HEATR5B: variants seen among roughly 807,000 people sequenced by gnomAD.
The protein encoded by HEATR5B is HEAT repeat-containing protein 5B.
HEATR5B carries 156 observed loss-of-function variants against 224.1 expected under a neutral mutation model. The observed-to-expected ratio is 0.70, with a 90% CI of 0.61 to 0.80. The LOEUF is 0.80. Ranked by LOEUF, HEATR5B falls within the 30% of genes least tolerant of loss-of-function variation. The pLI is 0.00. For missense variants in HEATR5B, 2,323 were observed against 2,535.5 expected (o/e 0.92, Z 1.80); for synonymous variants, 1,027 against 893.0 (o/e 1.15, Z -2.68).
intron 33 of HEATR5B, among the ~76,000 whole-genome samples, chr2:36,992,111 T>C (rs1307561545): frequency 6.6e-6 from 1 of 152,056 alleles, no homozygotes; most frequent in Non-Finnish European, 1.5e-5. Flanking sequence ...GGCTACAGAA[T>C]TGCTTGGATC....
chr2:37,081,007 C>G (rs2148613865), intron 2 of HEATR5B, among the ~76,000 whole-genome samples: 1 of 152,256 alleles, frequency 6.6e-6, no homozygotes, highest in Non-Finnish European at 1.5e-5. Flanking sequence ...TTGTATTTAT[C>G]AATTTCAGAA....
chr2:37,006,495 C>T (rs2110997), intron 29 of HEATR5B, among the ~76,000 whole-genome samples: 1 of 151,910 alleles, frequency 6.6e-6, no homozygotes, highest in Non-Finnish European at 1.5e-5. Flanking sequence ...TACAAAATTA[C>T]CCGGGCGTGG....
chr2:37,009,075 T>A (rs890905814), intron 27 of HEATR5B, among the ~76,000 whole-genome samples: 1 of 151,534 alleles, frequency 6.6e-6, no homozygotes, highest in Non-Finnish European at 1.5e-5. Context: ...CTGGCCAACA[T>A]AGTGAAACCC....
intron 29 of HEATR5B, 41 bp downstream of exon 29, chr2:37,007,009 A>G (rs1379293727): frequency 1.1e-5 from 18 of 1,582,762 alleles, no homozygotes; most frequent in Non-Finnish European, 1.6e-5. Context: ...ATGAATTTTC[A>G]GAAGTGATAA....
At chr2:37,075,757 T>C (rs1177815955) in intron 4 of HEATR5B, 123 bp from the exon 5 acceptor site, 1 of 566,736 alleles carries the variant, frequency 1.8e-6, no homozygotes, top group Non-Finnish European at 3.0e-6. Context: ...CGGTAAATAA[T>C]GAAAAGTACA....
Position 37,000,589 on chromosome 2 carries a change from G to A in HEATR5B, c.5542C>T (p.Pro1848Ser), listed in dbSNP as rs867856838. The A allele has an allele frequency of 6.2e-7, 1 of 1,613,312 alleles. No individual in the cohort carries two copies. Among genetic ancestry groups the A allele is most frequent in the African/African-American group, 1.3e-5 (1 of 75,028 alleles). The change falls in exon 33 of 36, where the codon CCA (proline) becomes TCA (serine). Residue 1848 changes from proline (P) to serine (S), a missense_variant. By Grantham distance (74) the Pro-to-Ser change is moderately conservative. This residue lies in a region of HEATR5B where 844 missense variants were observed against 812.9 expected (regional missense o/e 1.04). Coordinates refer to ENST00000233099, the MANE Select transcript of HEATR5B (RefSeq NM_019024.3). ...TLACILEYSQ[P>S]EDSVPTPDEV... ...ACGTTTAAAACTGATAGGTTACCTG[G>A]TTGAGAATATTCCAGGATGCAAGCA...
intron 29 of HEATR5B, 82 bp downstream of exon 29, chr2:37,006,968 A>G (rs975985150): frequency 2.1e-6 from 3 of 1,414,368 alleles, no homozygotes; most frequent in Non-Finnish European, 2.9e-6. Flanking sequence ...TATACTGTAC[A>G]AAATCTTTCC....
At chr2:36,988,953 A>T (rs961016042) in intron 34 of HEATR5B, 94 bp from the exon 35 acceptor site, 1 of 866,102 alleles carries the variant, frequency 1.2e-6, no homozygotes, top group Non-Finnish European at 1.8e-6. Flanking sequence ...AAAATAAGTG[A>T]TACTGCAGGA....
chr2:36,990,596 T>C (rs2148334559), intron 34 of HEATR5B, 52 bp downstream of exon 34: 2 of 1,431,464 alleles, frequency 1.4e-6, no homozygotes, highest in Middle Eastern at 1.9e-4. Context: ...ATCTGACATT[T>C]TCCTGATAAA....
chr2:37,013,451 G>A (rs1667916561), intron 27 of HEATR5B, among the ~76,000 whole-genome samples: 1 of 152,230 alleles, frequency 6.6e-6, no homozygotes, highest in Non-Finnish European at 1.5e-5. Context: ...GCGGATGGCT[G>A]CGGCAGGAGG....
chr2:37,038,693 C>T lies in HEATR5B; in HGVS notation c.3047-669G>A, dbSNP rs532075675. 9.1e-4 allele frequency among the ~76,000 whole-genome samples: 139 copies of T among 152,188 alleles called. 1 individual carries two copies. The highest frequency in any genetic ancestry group is 1.5e-3 in the Non-Finnish European group (100 of 68,002). On this transcript the variant is annotated intron_variant, in intron 20 of 35. Coordinates refer to ENST00000233099, the MANE Select transcript of HEATR5B (RefSeq NM_019024.3). ...AAATCACCTGTTTTTCCCTATAATA[C>T]CAGCATTTTGGGAGGCCTAGGCGGA...
chr2:37,051,117 G>A (rs1670515963), intron 17 of HEATR5B, among the ~76,000 whole-genome samples: 1 of 151,676 alleles, frequency 6.6e-6, no homozygotes, highest in African/African-American at 2.4e-5. Flanking sequence ...CAGCACTTTG[G>A]GAAGCTGAGG....
At chr2:36,988,068 TA>T (rs1006360709) in intron 35 of HEATR5B, among the ~76,000 whole-genome samples, 1 of 145,328 alleles carries the variant, frequency 6.9e-6, no homozygotes, top group African/African-American at 2.5e-5. Context: ...CGAGACTGTC[TA>T]AAAAAAAAGA....
chr2:37,026,333 G>A (rs1668772093), intron 24 of HEATR5B, among the ~76,000 whole-genome samples: 1 of 152,128 alleles, frequency 6.6e-6, no homozygotes, highest in Non-Finnish European at 1.5e-5. Context: ...TTGGACTTCT[G>A]ACCTACAGAA....
chr2:37,060,940 T>C lies in HEATR5B; in HGVS notation c.1697-207A>G, dbSNP rs981384999. 2.6e-5 allele frequency among the ~76,000 whole-genome samples: 4 copies of C among 152,200 alleles called. No homozygotes were observed. In the South Asian group the frequency reaches 8.3e-4, roughly 32 times the overall value. On this transcript the variant is annotated intron_variant, in intron 11 of 35. Coordinates refer to ENST00000233099, the MANE Select transcript of HEATR5B (RefSeq NM_019024.3). ...CAACCTTTATTCACTGATTAAAATA[T>C]AGATCAAAGCATAACAAAATTCACC...
At chr2:37,000,489 T>C in intron 33 of HEATR5B, 97 bp downstream of exon 33, 1 of 871,694 alleles carries the variant, frequency 1.1e-6, no homozygotes, top group South Asian at 1.5e-5. Context: ...GATGATTCAT[T>C]GTTATACAGC....
At chr2:37,066,800 T>C (rs899066541) in intron 8 of HEATR5B, among the ~76,000 whole-genome samples, 18 of 152,220 alleles carry the variant, frequency 1.2e-4, no homozygotes, top group Admixed American at 6.5e-4. Context: ...TTTGCATTCA[T>C]TATTAATTAA....
intron 21 of HEATR5B, among the ~76,000 whole-genome samples, 191 bp from the exon 22 acceptor site, chr2:37,032,964 T>C (rs933765406): frequency 6.6e-6 from 1 of 151,464 alleles, no homozygotes; most frequent in African/African-American, 2.4e-5. Context: ...CACTGCAACC[T>C]CCGCCTTCTG....
chr2:37,008,390 G>C (rs1241545799), intron 28 of HEATR5B: 1 of 578,880 alleles, frequency 1.7e-6, no homozygotes, highest in Non-Finnish European at 3.1e-6. Flanking sequence ...TATTGTAACA[G>C]TGCTTGCTAA....
Sources: allele counts gnomAD v4.1 joint callset (sites outside exome capture counted in the v4.1 genomes callset), GRCh38; gene constraint gnomAD v4.1.1; regional missense constraint gnomAD v4.1.1; transcripts MANE v1.5; gene names NCBI Gene and HGNC (gene_info 2026-07-23, HGNC 2026-07-21).